Variants in SF3B3 observed in about 807,000 individuals in gnomAD.
The protein encoded by SF3B3 is splicing factor 3b subunit 3.
Under a neutral mutation model 139.2 loss-of-function variants are expected in SF3B3, and 33 were observed. That is an observed-to-expected ratio of 0.24 (90% CI 0.18 to 0.32). The LOEUF (loss-of-function observed/expected upper bound fraction) is 0.32, where lower values mean the gene tolerates loss of function less well. Ranked by LOEUF, SF3B3 falls within the 10% of genes least tolerant of loss-of-function variation. The pLI is 1.00. For missense variants in SF3B3, 818 were observed against 1,509.4 expected (o/e 0.54, Z 7.59); for synonymous variants, 596 against 563.6 (o/e 1.06, Z -0.81).
At chr16:70,530,314 C>CT (rs559650893) in intron 3 of SF3B3, among the ~76,000 whole-genome samples, 3,211 of 125,990 alleles carry the variant, frequency 0.025, 49 homozygotes, top group Non-Finnish European at 0.038. Context: ...ATTGTCTATT[C>CT]TTTTTTTTTT....
chr16:70,562,725 A>C (rs985315988), intron 17 of SF3B3, among the ~76,000 whole-genome samples: 3 of 152,240 alleles, frequency 2.0e-5, no homozygotes, highest in African/African-American at 7.2e-5. Context: ...CTTTCCTAGC[A>C]GCAGAACTTA....
Position 70,557,131 on chromosome 16 carries a change from T to A in SF3B3, c.2010+102T>A, listed in dbSNP as rs928315340. The stretch of plus-strand genomic sequence containing the variant: ...GATTTTCTCTGCCCATGGTTTCAGA[T>A]CCTCACCTTATGAAAAGTGAACAGT... On this transcript the variant is annotated intron_variant, in intron 15 of 25. Coordinates refer to ENST00000302516, the MANE Select transcript of SF3B3 (RefSeq NM_012426.5). 4.1e-5 allele frequency: 52 copies of A among 1,263,776 alleles called. No individual in the cohort carries two copies. The African/African-American group carries it at 4.6e-4, about 11-fold the overall frequency. The allele number at this position is 1,263,776 out of a possible 1,614,324, so 78.3% of individuals were successfully genotyped here. A position where few individuals can be genotyped will look rare whatever the true frequency, so the allele number is the denominator to read the frequency against.
rs1376215944 is a variant in SF3B3 at position 70,554,471 on chromosome 16, G to A, written c.1428G>A (p.Val476=). 3.7e-6 allele frequency: 6 copies of A among 1,614,028 alleles called. No individual in the cohort carries two copies. The East Asian group carries it at 8.9e-5, about 24-fold the overall frequency. The change falls in exon 12 of 26, where the codon GTG becomes GTA. Residue 476 remains valine, a synonymous_variant. Transcript: ENST00000302516. The part of the protein sequence containing the change: ...IEDEFDAYII[V]SFVNATLVLS... ...ATGAGTTTGATGCCTACATCATTGT[G>A]TCTTTCGTGAATGCCACCCTAGTGT...
rs915236179 is a variant in SF3B3 at position 70,564,999 on chromosome 16, A to G, written c.2464-66A>G. 8.1e-6 allele frequency: 12 copies of G among 1,477,764 alleles called. No homozygotes were observed. In the East Asian group the frequency reaches 1.8e-4, roughly 22 times the overall value. 91.5% of individuals were successfully genotyped at this position (1,477,764 alleles called of 1,614,324 possible). A position where few individuals can be genotyped will look rare whatever the true frequency, so the allele number is the denominator to read the frequency against. ...ACCCCCTGGAGTGTTCTTGCTACCT[A>G]TCCTCTTCTCAGCCAGCCCCTACCT... On this transcript the variant is annotated intron_variant, in intron 18 of 25. Coordinates refer to ENST00000302516, the MANE Select transcript of SF3B3 (RefSeq NM_012426.5).
Position 70,541,788 on chromosome 16 carries a change from T to G in SF3B3, c.1187T>G (p.Val396Gly). 6.2e-7 allele frequency: 1 copy of G among 1,614,192 alleles called. No individual in the cohort carries two copies. The highest frequency in any genetic ancestry group is 1.1e-5 in the South Asian group (1 of 91,084). The stretch of plus-strand genomic sequence containing the variant: ...CAGCCAAGACCACTTAAAAACCTTG[T>G]GCTGGTTGATGAGTTGGACAGCCTC... ...FFQPRPLKNL[V>G]LVDELDSLSP... The change falls in exon 9 of 26, where the codon GTG (valine) becomes GGG (glycine). Residue 396 changes from valine (V) to glycine (G), a missense_variant. Coordinates refer to ENST00000302516, the MANE Select transcript of SF3B3 (RefSeq NM_012426.5).
At chr16:70,564,073 G>C in intron 18 of SF3B3, 23 bp downstream of exon 18, 1 of 1,608,044 alleles carries the variant, frequency 6.2e-7, no homozygotes, top group South Asian at 1.1e-5. Flanking sequence ...ACGTTCAGGG[G>C]TTCTATTAAA....
chr16:70,534,670 T>C (rs1173733028), intron 5 of SF3B3, among the ~76,000 whole-genome samples: 1 of 152,168 alleles, frequency 6.6e-6, no homozygotes, highest in Non-Finnish European at 1.5e-5. Context: ...ATTTTTATTT[T>C]ATTTATTTAC....
At chr16:70,554,230 A>G (rs1463206441) in intron 11 of SF3B3, 1 of 433,892 alleles carries the variant, frequency 2.3e-6, no homozygotes, top group African/African-American at 2.0e-5. Context: ...TCTCAAGAAA[A>G]TATTGAGGAA....
intron 12 of SF3B3, 108 bp downstream of exon 12, chr16:70,554,705 C>A (rs910858560): frequency 1.7e-6 from 2 of 1,147,278 alleles, no homozygotes; most frequent in Non-Finnish European, 1.2e-6. Flanking sequence ...TTCCAGCAAG[C>A]CTTAGGGGTA....
chr16:70,556,912 G>T lies in SF3B3; in HGVS notation c.1893G>T (p.Gln631His). The T allele has an allele frequency of 6.2e-7, 1 of 1,614,092 alleles. No individual in the cohort carries two copies. Among genetic ancestry groups the T allele is most frequent in the African/African-American group, 1.3e-5 (1 of 75,006 alleles). The change falls in exon 15 of 26, where the codon CAG becomes CAT. Residue 631 changes from glutamine to histidine, a missense_variant. Transcript: ENST00000302516. ...ACTGTTTGCAACCTCTAAGCATGCAGGCTCTCCCAGCCCAGCCTGAGTCCT... is the reference window on the plus strand; with the variant it reads ...ACTGTTTGCAACCTCTAAGCATGCATGCTCTCCCAGCCCAGCCTGAGTCCT... Reference protein sequence around the residue: ...PSDCLQPLSMQALPAQPESLC... With the variant: ...PSDCLQPLSMHALPAQPESLC...
At chr16:70,548,329 G>A (rs759502724) in intron 10 of SF3B3, 41 bp from the exon 11 acceptor site, 1 of 1,529,608 alleles carries the variant, frequency 6.5e-7, no homozygotes, top group Admixed American at 1.7e-5. Context: ...TAGCTGAGTT[G>A]CATGCTCACT....
intron 15 of SF3B3, among the ~76,000 whole-genome samples, chr16:70,559,621 A>T (rs1252643141): frequency 6.6e-6 from 1 of 152,158 alleles, no homozygotes; most frequent in Non-Finnish European, 1.5e-5. Context: ...TGGGAGGTGG[A>T]GGCTGCAGTG....
In SF3B3 at chr16:70,571,825, C is replaced by T. The variant is rs2050532073; in HGVS notation, c.*12C>T. On this transcript the variant is annotated 3_prime_UTR_variant, in exon 26 of 26. Transcript: ENST00000302516. ...GCTACGCCTTCTGAGCCCTCCTTTC[C>T]CGGTGGGGCTTGCCAGAGACTGTGT... The T allele has an allele frequency of 1.2e-6, 2 of 1,606,648 alleles. No homozygotes were observed. The highest frequency in any genetic ancestry group is 1.7e-5 in the Admixed American group (1 of 57,410).
chr16:70,567,837 C>T (rs906233154), intron 21 of SF3B3, among the ~76,000 whole-genome samples: 9 of 152,188 alleles, frequency 5.9e-5, no homozygotes, highest in African/African-American at 2.2e-4. Flanking sequence ...AGATGCGCGC[C>T]ACCACGCCTG....
intron 3 of SF3B3, among the ~76,000 whole-genome samples, chr16:70,530,285 C>A (rs879892208): frequency 6.6e-6 from 1 of 150,462 alleles, no homozygotes; most frequent in Non-Finnish European, 1.5e-5. Flanking sequence ...AGACTTGAGC[C>A]ACTGTGCCCA....
rs1424011566 is a variant in SF3B3, at chr16:70,576,757, C to G, written c.*4944C>G. On this transcript the variant is annotated 3_prime_UTR_variant, in exon 26 of 26. Transcript: ENST00000302516. ...GGCAGCAAAGTCCATGAAGAGAGCA[C>G]TGTATACAGTCAGATGACCTGGGCT... 1 of 152,222 alleles carries G rather than the reference C, an allele frequency of 6.6e-6. No individual in the cohort carries two copies. Among genetic ancestry groups the G allele is most frequent in the Non-Finnish European group, 1.5e-5 (1 of 68,056 alleles). The allele number at this position is 152,222 out of a possible 1,614,324, so 9.4% of individuals were successfully genotyped here.
intron 9 of SF3B3, among the ~76,000 whole-genome samples, chr16:70,542,443 C>G (rs1411855698): frequency 6.6e-6 from 1 of 152,146 alleles, no homozygotes; most frequent in African/African-American, 2.4e-5. Context: ...GAGTTTGTGT[C>G]TCTCATTGCT....
At chr16:70,549,776 T>C (rs2050304683) in intron 11 of SF3B3, among the ~76,000 whole-genome samples, 1 of 151,870 alleles carries the variant, frequency 6.6e-6, no homozygotes, top group Non-Finnish European at 1.5e-5. Flanking sequence ...AATACAAAAA[T>C]TAGCTGGGCG....
Position 70,565,514 on chromosome 16 carries a change from T to A in SF3B3, c.2816T>A (p.Phe939Tyr), listed in dbSNP as rs1205344756. ...KLVNNGEKLE[F>Y]LHKTPVEEVP... ...GTGAACAATGGGGAAAAACTGGAGT[T>A]TTTGCACAAGGTAGGAATCTGCCAG... The change falls in exon 20 of 26, where the codon TTT becomes TAT. Residue 939 changes from phenylalanine (F) to tyrosine (Y), a missense_variant. Phe to Tyr is a conservative substitution (Grantham distance 22, BLOSUM62 3). This residue lies in a region of SF3B3 where 145 missense variants were observed against 153.6 expected (regional missense o/e 0.94). Coordinates refer to ENST00000302516, the MANE Select transcript of SF3B3 (RefSeq NM_012426.5). 3 of 1,613,606 alleles carry A rather than the reference T, an allele frequency of 1.9e-6. No homozygotes were observed. Among genetic ancestry groups the A allele is most frequent in the Non-Finnish European group, 1.7e-6 (2 of 1,179,716 alleles).
Sources: allele counts gnomAD v4.1 joint callset (sites outside exome capture counted in the v4.1 genomes callset), GRCh38; gene constraint gnomAD v4.1.1; regional missense constraint gnomAD v4.1.1; transcripts MANE v1.5; gene names NCBI Gene and HGNC (gene_info 2026-07-23, HGNC 2026-07-21).